The following VTI1A variants were observed in gnomAD, a reference collection of about 807,000 sequenced individuals.
The protein encoded by VTI1A is vesicle transport through interaction with t-SNAREs 1A.
In VTI1A, 22 loss-of-function variants were observed where a neutral mutation model predicts 34.9. The ratio of observed to expected loss-of-function variants is 0.63; its 90% CI spans 0.45 to 0.90. The LOEUF (loss-of-function observed/expected upper bound fraction) is 0.90, where lower values mean the gene tolerates loss of function less well. VTI1A is among the 40% of genes least tolerant of loss of function. The probability of loss-of-function intolerance (pLI) is 0.00; values close to 1 mark genes in which losing one functional copy is unlikely to be tolerated. For missense variants in VTI1A, 268 were observed against 275.6 expected (o/e 0.97, Z 0.20); for synonymous variants, 87 against 97.3 (o/e 0.89, Z 0.62).
chr10:112,831,992 C>T, the VTI1A span: 1 of 152,168 alleles, frequency 6.6e-6, no homozygotes, highest in Admixed American at 6.5e-5. Context: ...CCGGCCGACA[C>T]CACAGTGTGG....
intron 5 of VTI1A, among the ~76,000 whole-genome samples, chr10:112,630,808 A>G (rs1029591363): frequency 6.6e-6 from 1 of 152,198 alleles, no homozygotes. Flanking sequence ...ACCAGAAAAC[A>G]AAAGGTAATA....
intron 4 of VTI1A, among the ~76,000 whole-genome samples, chr10:112,530,564 T>C (rs1440389297): frequency 2.0e-5 from 3 of 152,332 alleles, no homozygotes; most frequent in Admixed American, 6.5e-5. Flanking sequence ...TGCAGAATTA[T>C]ATTGATCAGT....
At chr10:112,703,792 A>G (rs1415722897) in intron 7 of VTI1A, among the ~76,000 whole-genome samples, 1 of 152,196 alleles carries the variant, frequency 6.6e-6, no homozygotes, top group Non-Finnish European at 1.5e-5. Flanking sequence ...TTCAGATCTT[A>G]GATTTTGATA....
chr10:112,681,078 CTT>C (rs11371825), intron 7 of VTI1A, among the ~76,000 whole-genome samples: 4 of 141,026 alleles, frequency 2.8e-5, no homozygotes, highest in Non-Finnish European at 1.5e-5. Flanking sequence ...TTTTTCTTTT[CTT>C]TTTTTTTTTT....
chr10:112,764,178 G>A (rs1851574464), intron 7 of VTI1A, among the ~76,000 whole-genome samples: 1 of 152,158 alleles, frequency 6.6e-6, no homozygotes, highest in African/African-American at 2.4e-5. Flanking sequence ...GTTAAGGGTA[G>A]GGATTTTATC....
At chr10:112,602,552 A>C (rs1349303858) in intron 5 of VTI1A, among the ~76,000 whole-genome samples, 1 of 152,252 alleles carries the variant, frequency 6.6e-6, no homozygotes, top group African/African-American at 2.4e-5. Flanking sequence ...TTTTGATAGC[A>C]AATTCTGAAA....
intron 7 of VTI1A, among the ~76,000 whole-genome samples, chr10:112,684,985 T>C (rs1187603468): frequency 6.6e-6 from 1 of 152,220 alleles, no homozygotes; most frequent in Non-Finnish European, 1.5e-5. Context: ...GGAACCATTG[T>C]CTTCTGGCAT....
At chr10:112,475,409 G>C (rs1848246626) in intron 3 of VTI1A, among the ~76,000 whole-genome samples, 1 of 152,168 alleles carries the variant, frequency 6.6e-6, no homozygotes, top group South Asian at 2.1e-4. Context: ...ATTGAATTCT[G>C]CAATTTAATT....
At chr10:112,700,750 T>C (rs1252457059) in intron 7 of VTI1A, among the ~76,000 whole-genome samples, 1 of 152,240 alleles carries the variant, frequency 6.6e-6, no homozygotes, top group Non-Finnish European at 1.5e-5. Flanking sequence ...TACTTTGTGA[T>C]TGATTTTTTA....
intron 3 of VTI1A, among the ~76,000 whole-genome samples, chr10:112,510,030 G>A (rs899913670): frequency 1.3e-5 from 2 of 152,146 alleles, no homozygotes; most frequent in African/African-American, 4.8e-5. Context: ...TGTGTTCTTT[G>A]CAAGGACTAG....
chr10:112,538,709 C>T (rs759600177), intron 5 of VTI1A: 3 of 161,344 alleles, frequency 1.9e-5, no homozygotes, highest in Non-Finnish European at 4.0e-5. Context: ...ACATTTTAAT[C>T]AATCTAAATC....
intron 7 of VTI1A, among the ~76,000 whole-genome samples, chr10:112,754,739 G>C (rs1851221762): frequency 6.6e-6 from 1 of 152,164 alleles, no homozygotes; most frequent in African/African-American, 2.4e-5. Flanking sequence ...CAGCATGCAG[G>C]GGGGCACAGA....
At chr10:112,799,854 G>T (rs1852815340) in intron 7 of VTI1A, among the ~76,000 whole-genome samples, 1 of 152,160 alleles carries the variant, frequency 6.6e-6, no homozygotes. Context: ...GCAGCCCAGG[G>T]CTTAGCCACA....
chr10:112,739,150 G>T (rs1457231382), intron 7 of VTI1A, among the ~76,000 whole-genome samples: 1 of 152,168 alleles, frequency 6.6e-6, no homozygotes, highest in African/African-American at 2.4e-5. Context: ...TGTGTGTGTG[G>T]AGAGCCTGTC....
intron 5 of VTI1A, among the ~76,000 whole-genome samples, chr10:112,654,644 C>G (rs1847161784): frequency 6.6e-6 from 1 of 152,130 alleles, no homozygotes; most frequent in Non-Finnish European, 1.5e-5. Context: ...AGGCACCCAC[C>G]ACCACACCCG....
chr10:112,487,612 T>G (rs1368968182), intron 3 of VTI1A, among the ~76,000 whole-genome samples: 2 of 152,190 alleles, frequency 1.3e-5, no homozygotes, highest in Non-Finnish European at 2.9e-5. Flanking sequence ...GTACAGTTGC[T>G]TCACTTACTC....
chr10:112,714,526 T>C (rs7070576), intron 7 of VTI1A, among the ~76,000 whole-genome samples: 2,733 of 152,310 alleles, frequency 0.018, 87 homozygotes, highest in African/African-American at 0.062. Flanking sequence ...AAGGATTAAC[T>C]TCTTGTCATG....
intron 3 of VTI1A, among the ~76,000 whole-genome samples, chr10:112,502,019 C>A (rs974272960): frequency 6.9e-6 from 1 of 145,910 alleles, no homozygotes; most frequent in Non-Finnish European, 1.5e-5. Context: ...TCCCTAGAAT[C>A]CTTACTTTTT....
intron 5 of VTI1A, among the ~76,000 whole-genome samples, chr10:112,564,100 A>G (rs1020202354): frequency 1.3e-5 from 2 of 151,884 alleles, no homozygotes; most frequent in African/African-American, 4.8e-5. Context: ...AAAAATTTCA[A>G]TTTCACCCTG....
Sources: gnomAD v4.1 joint callset for allele counts (sites outside exome capture counted in the v4.1 genomes callset) on GRCh38, gnomAD v4.1.1 for gene constraint, MANE v1.5 for transcripts, NCBI Gene and HGNC (gene_info 2026-07-23, HGNC 2026-07-21) for gene names.